GARNL3: variants seen among roughly 807,000 people sequenced by gnomAD.
GARNL3 encodes the protein GTPase activating Rap/RanGAP domain like 3.
In GARNL3, 63 loss-of-function variants were observed where a neutral mutation model predicts 125.0. The observed-to-expected ratio is 0.50, with a 90% CI of 0.41 to 0.62. The LOEUF (loss-of-function observed/expected upper bound fraction) is 0.62. GARNL3 is among the 20% of genes least tolerant of loss of function. GARNL3 has a pLI of 0.00. For synonymous variants in GARNL3, 439 were observed against 457.5 expected (o/e 0.96, Z 0.52); for missense variants, 994 against 1,244.0 (o/e 0.80, Z 3.02).
At chr9:127,291,366 G>A in intron 2 of GARNL3, 124 bp downstream of exon 2, 1 of 800,964 alleles carries the variant, frequency 1.2e-6, no homozygotes, top group Non-Finnish European at 2.1e-6. Flanking sequence ...TGAAGCAAAT[G>A]GAAGGGAAAT....
rs1390590767 is a variant in GARNL3, at chr9:127,364,999, AGAGAG to A, written c.2095-296_2095-292del. On this transcript the variant is annotated intron_variant, in intron 21 of 27. Transcript: ENST00000373387. The surrounding 1 kb of genome is among the most constrained non-coding windows in gnomAD (Gnocchi z 4.2). ...ATATAAACCTGAGGCATTTCAATAG[AGAGAG>A]GAGACATACCAAACACAGAGCTTCT... 1 of 345,086 alleles carries A rather than the reference AGAGAG, an allele frequency of 2.9e-6. No homozygotes were observed. The highest frequency in any genetic ancestry group is 2.1e-5 in the African/African-American group (1 of 47,106). 21.4% of individuals were successfully genotyped at this position (345,086 alleles called of 1,614,324 possible). A position where few individuals can be genotyped will look rare whatever the true frequency, so the allele number is the denominator to read the frequency against.
chr9:127,343,241 C>T (rs541695450), intron 14 of GARNL3, among the ~76,000 whole-genome samples: 3 of 152,148 alleles, frequency 2.0e-5, no homozygotes, highest in East Asian at 1.9e-4. Flanking sequence ...CTTGTCTGGT[C>T]GGTGTACCCC....
chr9:127,311,674 C>T lies in GARNL3; in HGVS notation c.258C>T (p.Asp86=), dbSNP rs865832194. ...TGCCTGGTACTTGGCGAAGAACAGA[C>T]GTGCACTTAGAGAACCCAGAATACC... ...TALPGTWRRT[D]VHLENPEYHT... Residue 86 remains aspartate, a synonymous_variant, in exon 3 of 28, where the codon GAC becomes GAT. Coordinates refer to ENST00000373387, the MANE Select transcript of GARNL3 (RefSeq NM_032293.5). The T allele has an allele frequency of 5.6e-6, 9 of 1,613,852 alleles. No homozygotes were observed. The Middle Eastern group carries it at 6.6e-4, about 118-fold the overall frequency.
chr9:127,382,070 G>T (rs888434964), intron 22 of GARNL3, among the ~76,000 whole-genome samples: 2 of 152,110 alleles, frequency 1.3e-5, no homozygotes, highest in Admixed American at 1.3e-4. Flanking sequence ...GGAGGCTGGG[G>T]CGAGTGGATC....
upstream of GARNL3, among the ~76,000 whole-genome samples, chr9:127,261,778 GGCCAGA>G: frequency 6.6e-6 from 1 of 152,246 alleles, no homozygotes; most frequent in South Asian, 2.1e-4. Flanking sequence ...ATATTTCTTT[GGCCAGA>G]GCTGTTATTG....
upstream of GARNL3, among the ~76,000 whole-genome samples, chr9:127,261,569 C>G (rs562470257): frequency 6.6e-6 from 1 of 151,934 alleles, no homozygotes. Flanking sequence ...CACCACCATG[C>G]CTGGCTAATT....
rs1179344968 is a variant in GARNL3 at position 127,378,208 on chromosome 9, C to T, written c.2162-5230C>T. 4.0e-5 allele frequency among the ~76,000 whole-genome samples: 6 copies of T among 148,152 alleles called. No homozygotes were observed. The Admixed American group carries it at 4.1e-4, about 10-fold the overall frequency. ...ATGAGCCAAGATTCTCGTGCCACTGCACTCCAGCCTGGGCAACAAAGCAAG... is the reference window on the plus strand; with the variant it reads ...ATGAGCCAAGATTCTCGTGCCACTGTACTCCAGCCTGGGCAACAAAGCAAG... On this transcript the variant is annotated intron_variant, in intron 22 of 27. Coordinates refer to ENST00000373387, the MANE Select transcript of GARNL3 (RefSeq NM_032293.5).
At chr9:127,271,836 G>GATAA (rs1422132228) in intron 1 of GARNL3, among the ~76,000 whole-genome samples, 2 of 150,148 alleles carry the variant, frequency 1.3e-5, no homozygotes, top group Non-Finnish European at 2.9e-5. Flanking sequence ...TTCAAGTCAG[G>GATAA]ATAAAACAAG....
chr9:127,225,290 C>T (rs1156689673), intron 1 of GARNL3: 13 of 968,112 alleles, frequency 1.3e-5, no homozygotes, highest in Admixed American at 6.2e-5. Flanking sequence ...TGCGCCCGAG[C>T]CCGCGGCCCC....
At chr9:127,227,542 A>T (rs2062934411) in intron 1 of GARNL3, among the ~76,000 whole-genome samples, 2 of 152,082 alleles carry the variant, frequency 1.3e-5, no homozygotes, top group African/African-American at 4.8e-5. Flanking sequence ...CAGAGGTTGC[A>T]GTGAGCTGAG....
intron 24 of GARNL3, among the ~76,000 whole-genome samples, chr9:127,386,017 C>A (rs1447842517): frequency 6.6e-6 from 1 of 152,216 alleles, no homozygotes; most frequent in Non-Finnish European, 1.5e-5. Context: ...AAATAGCTTA[C>A]AATTTACAAA....
intron 16 of GARNL3, among the ~76,000 whole-genome samples, chr9:127,348,331 C>T (rs779118588): frequency 1.3e-5 from 2 of 152,168 alleles, no homozygotes; most frequent in South Asian, 2.1e-4. Context: ...GAAGAGTTTG[C>T]TTGGTATAGA....
chr9:127,320,863 C>G (rs1323462787), intron 6 of GARNL3, 85 bp downstream of exon 6: 1 of 901,348 alleles, frequency 1.1e-6, no homozygotes, highest in Non-Finnish European at 1.8e-6. Context: ...AATCCTTATC[C>G]TGGGATGCAA....
chr9:127,279,516 G>A (rs1313902570), intron 1 of GARNL3, among the ~76,000 whole-genome samples: 2 of 151,828 alleles, frequency 1.3e-5, no homozygotes, highest in Non-Finnish European at 2.9e-5. Flanking sequence ...TTAACATTTT[G>A]TTTTCCTCCT....
intron 1 of GARNL3, among the ~76,000 whole-genome samples, chr9:127,228,208 T>C (rs1430239214): frequency 6.6e-6 from 1 of 152,262 alleles, no homozygotes. Context: ...TGGACACATG[T>C]AGTTTACTTA....
At chr9:127,373,960 CAG>C (rs1831743974) in intron 22 of GARNL3, among the ~76,000 whole-genome samples, 1 of 151,900 alleles carries the variant, frequency 6.6e-6, no homozygotes, top group Non-Finnish European at 1.5e-5. Flanking sequence ...GAGCCAAGAT[CAG>C]GCTACTGCAC....
chr9:127,365,303 A>G lies in GARNL3; in HGVS notation c.2098A>G (p.Asn700Asp), dbSNP rs1360802913. Reference protein sequence around the residue: ...RLHHVEANRVNFVAAIDVYED... With the variant: ...RLHHVEANRVDFVAAIDVYED... The stretch of plus-strand genomic sequence containing the variant: ...CCGTTGCCCGTTATCATTGCAGGTT[A>G]ATTTTGTTGCAGCTATTGATGTGTA... Residue 700 changes from asparagine to aspartate, a missense_variant, in exon 22 of 28, where the codon AAT becomes GAT. Asn to Asp is a conservative substitution (Grantham distance 23). Coordinates refer to ENST00000373387, the MANE Select transcript of GARNL3 (RefSeq NM_032293.5). The G allele has an allele frequency of 6.2e-7, 1 of 1,613,400 alleles. No individual in the cohort carries two copies.
intron 7 of GARNL3, among the ~76,000 whole-genome samples, chr9:127,330,474 T>C (rs1339900236): frequency 6.6e-6 from 1 of 152,218 alleles, no homozygotes; most frequent in Non-Finnish European, 1.5e-5. Flanking sequence ...ATGCATACAG[T>C]CACTTATGTC....
chr9:127,259,457 C>T (rs1056273120), upstream of GARNL3, among the ~76,000 whole-genome samples: 1 of 152,088 alleles, frequency 6.6e-6, no homozygotes, highest in South Asian at 2.1e-4. Context: ...TTTCTCTAGC[C>T]AGGTTTCAAA....
Sources: allele counts gnomAD v4.1 joint callset (sites outside exome capture counted in the v4.1 genomes callset), GRCh38; gene constraint gnomAD v4.1.1; non-coding constraint Gnocchi (gnomAD v3.1); transcripts MANE v1.5; gene names NCBI Gene and HGNC (gene_info 2026-07-23, HGNC 2026-07-21).